The following THRAP3 variants were observed in gnomAD, a reference collection of about 807,000 sequenced individuals.
THRAP3 encodes the protein thyroid hormone receptor-associated protein 3.
Under a neutral mutation model 101.0 loss-of-function variants are expected in THRAP3, and 16 were observed. The observed-to-expected ratio is 0.16, with a 90% CI of 0.11 to 0.24. THRAP3 has a LOEUF of 0.24. Among genes scored for constraint, THRAP3 ranks in the 10% least tolerant of loss-of-function variants. THRAP3 has a pLI of 1.00. For synonymous variants in THRAP3, 407 were observed against 422.6 expected (o/e 0.96, Z 0.45); for missense variants, 989 against 1,202.7 (o/e 0.82, Z 2.63).
At chr1:36,264,914 G>A (rs866633186) in intron 2 of THRAP3, among the ~76,000 whole-genome samples, 19 of 152,056 alleles carry the variant, frequency 1.2e-4, no homozygotes, top group African/African-American at 4.6e-4. Context: ...TCAAGGTGTC[G>A]GCAGGATTGG....
chr1:36,249,315 C>T (rs1311691988), intron 1 of THRAP3, among the ~76,000 whole-genome samples: 1 of 152,004 alleles, frequency 6.6e-6, no homozygotes, highest in South Asian at 2.1e-4. Context: ...CCTTGGCCTC[C>T]CGAGTAGCTG....
chr1:36,290,863 G>A (rs996896333), intron 5 of THRAP3, among the ~76,000 whole-genome samples: 1 of 152,154 alleles, frequency 6.6e-6, no homozygotes, highest in Non-Finnish European at 1.5e-5. Flanking sequence ...TTTACTTGGT[G>A]TAAACTACTC....
the THRAP3 span, among the ~76,000 whole-genome samples, chr1:36,208,967 T>G: frequency 8.3e-5 from 1 of 12,020 alleles, no homozygotes; most frequent in Non-Finnish European, 1.4e-4. Flanking sequence ...ATGTCCAGCC[T>G]TTTTTTTTTT....
At chr1:36,217,866 C>T in the THRAP3 span, among the ~76,000 whole-genome samples, 1 of 152,094 alleles carries the variant, frequency 6.6e-6, no homozygotes, top group Non-Finnish European at 1.5e-5. Context: ...CTCCCTGTTC[C>T]CTGAGACACA....
chr1:36,242,000 AT>A, intron 1 of THRAP3: 2 of 174,622 alleles, frequency 1.1e-5, no homozygotes, highest in Non-Finnish European at 1.3e-5. Context: ...TGTTGTATGG[AT>A]TTTGCCATTT....
At chr1:36,287,788 GTGTA>G in intron 4 of THRAP3, 1 of 985,458 alleles carries the variant, frequency 1.0e-6, no homozygotes, top group Non-Finnish European at 1.2e-6. Flanking sequence ...CACAAGGTGG[GTGTA>G]TGTCCCAGTA....
chr1:36,253,854 C>T (rs542005335), intron 1 of THRAP3, among the ~76,000 whole-genome samples: 9 of 149,430 alleles, frequency 6.0e-5, no homozygotes, highest in Admixed American at 2.0e-4. Flanking sequence ...GTCCTCCTAC[C>T]TTGGCCTCCC....
chr1:36,237,357 A>G (rs1185769400), intron 1 of THRAP3, among the ~76,000 whole-genome samples: 2 of 151,540 alleles, frequency 1.3e-5, no homozygotes, highest in African/African-American at 4.9e-5. Context: ...AATCGCAGCT[A>G]CTTGGAAGGC....
At chr1:36,301,766 T>TA in intron 11 of THRAP3, 70 bp downstream of exon 11, 1 of 1,535,988 alleles carries the variant, frequency 6.5e-7, no homozygotes, top group Non-Finnish European at 8.8e-7. Context: ...TACCAAGCCT[T>TA]AATTAGTTTG....
chr1:36,253,375 A>C (rs114853070), intron 1 of THRAP3, among the ~76,000 whole-genome samples: 1 of 152,318 alleles, frequency 6.6e-6, no homozygotes, highest in Non-Finnish European at 1.5e-5. Flanking sequence ...TTTAGTTTAC[A>C]CATGCATTAA....
At chr1:36,236,704 A>G (rs1261799221) in intron 1 of THRAP3, among the ~76,000 whole-genome samples, 1 of 152,174 alleles carries the variant, frequency 6.6e-6, no homozygotes, top group African/African-American at 2.4e-5. Context: ...TTCCTTTGTC[A>G]TTTATGTATC....
At chr1:36,228,304 G>A (rs148503840) in intron 1 of THRAP3, among the ~76,000 whole-genome samples, 1 of 151,936 alleles carries the variant, frequency 6.6e-6, no homozygotes, top group Admixed American at 6.6e-5. Context: ...TGCTACCTCT[G>A]CCTCCAGGGT....
chr1:36,271,342 A>T (rs1645588231), intron 2 of THRAP3, among the ~76,000 whole-genome samples: 1 of 151,402 alleles, frequency 6.6e-6, no homozygotes, highest in East Asian at 1.9e-4. Flanking sequence ...GAGTGCAGTG[A>T]TGCGATCTCT....
chr1:36,219,196 C>A, the THRAP3 span, among the ~76,000 whole-genome samples: 1 of 152,144 alleles, frequency 6.6e-6, no homozygotes, highest in Admixed American at 6.5e-5. Flanking sequence ...TAGAACAAGG[C>A]TCCAACTCTT....
At chr1:36,238,577 A>G (rs533633484) in intron 1 of THRAP3, among the ~76,000 whole-genome samples, 1 of 152,312 alleles carries the variant, frequency 6.6e-6, no homozygotes, top group African/African-American at 2.4e-5. Context: ...TATGGTAGGC[A>G]GATCTCTTCC....
intron 3 of THRAP3, 46 bp downstream of exon 3, chr1:36,282,746 C>A: frequency 6.2e-7 from 1 of 1,605,258 alleles, no homozygotes; most frequent in South Asian, 1.1e-5. Context: ...TTGCATCAGT[C>A]GATGTGGATG....
At chr1:36,287,333 A>C in intron 4 of THRAP3, 63 bp downstream of exon 4, 1 of 1,490,488 alleles carries the variant, frequency 6.7e-7, no homozygotes, top group East Asian at 2.3e-5. Flanking sequence ...GTTTAATTGT[A>C]ATGTGATCTA....
intron 1 of THRAP3, among the ~76,000 whole-genome samples, chr1:36,256,503 G>A (rs1341946391): frequency 6.6e-6 from 1 of 152,082 alleles, no homozygotes; most frequent in African/African-American, 2.4e-5. Context: ...GGGATTACAG[G>A]CATGAGCCAC....
intron 1 of THRAP3, among the ~76,000 whole-genome samples, chr1:36,226,986 A>G (rs1346890735): frequency 6.6e-6 from 1 of 152,130 alleles, no homozygotes; most frequent in Non-Finnish European, 1.5e-5. Context: ...AAAGGGGGAG[A>G]CCTAAGGGTG....
Sources: allele counts gnomAD v4.1 joint callset (sites outside exome capture counted in the v4.1 genomes callset), GRCh38; gene constraint gnomAD v4.1.1; transcripts MANE v1.5; gene names NCBI Gene and HGNC (gene_info 2026-07-23, HGNC 2026-07-21).